ZNF318: variants seen among roughly 807,000 people sequenced by gnomAD.
ZNF318 encodes the protein endocrine regulator.
A neutral mutation model predicts 124.2 loss-of-function variants in ZNF318; 51 were observed. That is an observed-to-expected ratio of 0.41 (90% confidence interval 0.33 to 0.52). ZNF318 has a LOEUF of 0.52. Ranked by LOEUF, ZNF318 falls within the 20% of genes least tolerant of loss-of-function variation. The pLI, the probability that ZNF318 is intolerant of heterozygous loss-of-function variation, is 0.23. For synonymous variants in ZNF318, 1,090 were observed against 1,040.7 expected (o/e 1.05, Z -0.91); for missense variants, 2,815 against 2,811.2 (o/e 1.00, Z -0.03).
chr6:43,353,691 A>G (rs1221493963), intron 4 of ZNF318, among the ~76,000 whole-genome samples: 1 of 152,262 alleles, frequency 6.6e-6, no homozygotes, highest in Non-Finnish European at 1.5e-5. Context: ...AACTTTTATG[A>G]GCAAACCAAA....
At chr6:43,356,926 A>C (rs1267227419) in intron 3 of ZNF318, among the ~76,000 whole-genome samples, 200 bp downstream of exon 3, 1 of 152,190 alleles carries the variant, frequency 6.6e-6, no homozygotes, top group Non-Finnish European at 1.5e-5. Context: ...TATAAAGCCT[A>C]ATATACAGCA....
chr6:43,337,539 C>A lies in ZNF318; in HGVS notation c.6459G>T (p.Leu2153Phe). The part of the protein sequence containing the change: ...SQLDKQESLG[L>F]ELKTINSAGL... Reference sequence around the variant, plus strand: ...CTGCAGAATTAATTGTTTTTAATTCCAATCCGAGTGACTCTTGTTTGTCTA... The same window carrying A: ...CTGCAGAATTAATTGTTTTTAATTCAAATCCGAGTGACTCTTGTTTGTCTA... Residue 2153 changes from leucine to phenylalanine, a missense_variant, in exon 10 of 10, where the codon TTG becomes TTT. Transcript: ENST00000361428. The A allele has an allele frequency of 1.2e-6, 2 of 1,614,010 alleles. No individual in the cohort carries two copies. The highest frequency in any genetic ancestry group is 1.7e-6 in the Non-Finnish European group (2 of 1,179,986).
Position 43,342,885 on chromosome 6 carries a change from G to A in ZNF318, c.3073-6C>T. On this transcript the variant is annotated splice_region_variant and splice_polypyrimidine_tract_variant and intron_variant, in intron 6 of 9. Coordinates refer to ENST00000361428, the MANE Select transcript of ZNF318 (RefSeq NM_014345.3). ...TCATTGTTTACTTTTGATTCCTAGAGGGGAAAAATCTGTACTTACAAGGAA... is the reference window on the plus strand; with the variant it reads ...TCATTGTTTACTTTTGATTCCTAGAAGGGAAAAATCTGTACTTACAAGGAA... The A allele has an allele frequency of 1.2e-6, 2 of 1,605,294 alleles. No individual in the cohort carries two copies. Among genetic ancestry groups the A allele is most frequent in the Non-Finnish European group, 8.5e-7 (1 of 1,174,244 alleles).
At chr6:43,352,256 T>TCACCACCATCATCTTGGAG in intron 5 of ZNF318, 121 bp downstream of exon 5, 3 of 723,576 alleles carry the variant, frequency 4.1e-6, no homozygotes, top group Admixed American at 2.8e-5. Context: ...TTTGTAAGTT[T>TCACCACCATCATCTTGGAG]AATTACGTCA....
At chr6:43,354,094 T>TAC (rs958436181) in intron 4 of ZNF318, among the ~76,000 whole-genome samples, 5 of 151,740 alleles carry the variant, frequency 3.3e-5, no homozygotes, top group African/African-American at 1.2e-4. Context: ...TACGTATACA[T>TAC]ACACACACAT....
At chr6:43,363,738 G>C in intron 2 of ZNF318, 1 of 601,106 alleles carries the variant, frequency 1.7e-6, no homozygotes, top group Non-Finnish European at 2.9e-6. Context: ...AGGTGTTGAA[G>C]ATTATGCCAG....
At chr6:43,367,713 C>G (rs1779780677) in intron 1 of ZNF318, among the ~76,000 whole-genome samples, 1 of 152,244 alleles carries the variant, frequency 6.6e-6, no homozygotes, top group African/African-American at 2.4e-5. Flanking sequence ...GCATTCTGTT[C>G]TTCCTTCCTC....
In ZNF318 at chr6:43,337,682, T is replaced by C; in HGVS notation, c.6316A>G (p.Lys2106Glu). Residue 2106 changes from lysine (K) to glutamate (E), a missense_variant, in exon 10 of 10, where the codon AAA becomes GAA. Physicochemically the swap from Lys to Glu is moderately conservative, Grantham distance 56. Coordinates refer to ENST00000361428, the MANE Select transcript of ZNF318 (RefSeq NM_014345.3). ...TCAACATTTTCTGTAAGTCCAGTTT[T>C]CAAAATGTTAGGAGAAGGGATCCTA... ...SVRIPSPNIL[K>E]TGLTENVDRG... is the part of the protein sequence containing the mutation. 3.1e-6 allele frequency: 5 copies of C among 1,614,174 alleles called. No homozygotes were observed. Among genetic ancestry groups the C allele is most frequent in the African/African-American group, 1.3e-5 (1 of 75,050 alleles).
rs565674545 is a variant in ZNF318 at position 43,360,082 on chromosome 6, G to A, written c.549-2317C>T. ...GGGAGAAAAAACATAGGCTCCATGA[G>A]GAGTGGCAAGTTCATTCACACTCCC... On this transcript the variant is annotated intron_variant, in intron 2 of 9. Coordinates refer to ENST00000361428, the MANE Select transcript of ZNF318 (RefSeq NM_014345.3). Among the ~76,000 whole-genome samples the A allele has an allele frequency of 3.3e-5, 5 of 152,176 alleles. No homozygotes were observed. In the South Asian group the frequency reaches 8.3e-4, roughly 25 times the overall value.
intron 1 of ZNF318, 139 bp downstream of exon 1, chr6:43,368,828 G>A: frequency 1.6e-6 from 2 of 1,233,692 alleles, no homozygotes; most frequent in Non-Finnish European, 2.0e-6. Flanking sequence ...AAGCCTCCAG[G>A]CTCGGCATCC....
In ZNF318 at chr6:43,355,691, G is replaced by C; in HGVS notation, c.1643C>G (p.Ala548Gly). 1 of 1,614,182 alleles carries C rather than the reference G, an allele frequency of 6.2e-7. No individual in the cohort carries two copies. Among genetic ancestry groups the C allele is most frequent in the Non-Finnish European group, 8.5e-7 (1 of 1,180,022 alleles). The change falls in exon 4 of 10, where the codon GCA becomes GGA. Residue 548 changes from alanine to glycine, a missense_variant. Around this residue, in one of 4 missense-constraint regions of ZNF318, gnomAD observed 1,377 missense variants for 1,353.5 expected, o/e 1.02. Transcript: ENST00000361428. ...LYGDEEEDLK[A>G]ESVPKPLGSS... ...CCCAAGGGGCTTTGGTACGGATTCT[G>C]CCTTTAAATCCTCTTCTTCATCCCC... is the stretch of plus-strand genomic sequence containing the variant.
At chr6:43,367,206 C>T (rs1041203371) in intron 1 of ZNF318, among the ~76,000 whole-genome samples, 1 of 152,194 alleles carries the variant, frequency 6.6e-6, no homozygotes, top group Non-Finnish European at 1.5e-5. Flanking sequence ...CATACCATCG[C>T]ATTTCTAACT....
At chr6:43,352,814 GTTGT>G (rs1330696741) in intron 4 of ZNF318, among the ~76,000 whole-genome samples, 2 of 152,218 alleles carry the variant, frequency 1.3e-5, no homozygotes, top group Admixed American at 6.5e-5. Flanking sequence ...CATATTTCAT[GTTGT>G]TTATTTTCAC....
intron 2 of ZNF318, 130 bp from the exon 3 acceptor site, chr6:43,357,895 A>G (rs1779631682): frequency 2.2e-5 from 18 of 819,916 alleles, no homozygotes; most frequent in Non-Finnish European, 3.2e-5. Context: ...CATGAAGTCC[A>G]AGAACATTTC....
At position 43,339,587 on chromosome 6, in the gene ZNF318, C is replaced by T; in HGVS notation, c.4411G>A (p.Ala1471Thr). Residue 1471 changes from alanine (A) to threonine (T), a missense_variant, in exon 10 of 10, where the codon GCT becomes ACT. Ala to Thr is a moderately conservative substitution (Grantham distance 58). Coordinates refer to ENST00000361428, the MANE Select transcript of ZNF318 (RefSeq NM_014345.3). The surrounding 1 kb of genome is among the most constrained non-coding windows in gnomAD (Gnocchi z 4.2). ...PAAPSAAQAN[A>T]ILAPVKSNPV... ...TTTGATTTTACTGGAGCCAAGATAG[C>T]ATTTGCTTGAGCAGCAGACGGGGCA... The T allele has an allele frequency of 6.3e-7, 1 of 1,578,102 alleles. No homozygotes were observed. The highest frequency in any genetic ancestry group is 2.3e-5 in the East Asian group (1 of 42,954).
At chr6:43,367,093 G>A (rs1397604805) in intron 1 of ZNF318, among the ~76,000 whole-genome samples, 3 of 152,074 alleles carry the variant, frequency 2.0e-5, no homozygotes, top group African/African-American at 4.8e-5. Flanking sequence ...CTCGTGATCC[G>A]CCTGCCTCGG....
At chr6:43,361,269 G>T (rs553050415) in intron 2 of ZNF318, among the ~76,000 whole-genome samples, 1 of 152,336 alleles carries the variant, frequency 6.6e-6, no homozygotes, top group South Asian at 2.1e-4. Context: ...ATAAGGAGAA[G>T]AAATTAGGCG....
chr6:43,353,039 A>G (rs1779554301), intron 4 of ZNF318, among the ~76,000 whole-genome samples: 1 of 152,244 alleles, frequency 6.6e-6, no homozygotes. Flanking sequence ...ACCTAATGAA[A>G]AAAAGCAAAT....
chr6:43,350,568 T>A (rs1779510943), intron 5 of ZNF318, among the ~76,000 whole-genome samples: 1 of 152,092 alleles, frequency 6.6e-6, no homozygotes, highest in Non-Finnish European at 1.5e-5. Flanking sequence ...CCAGGCACAG[T>A]GGCTCATGCC....
Sources: allele counts gnomAD v4.1 joint callset (sites outside exome capture counted in the v4.1 genomes callset), GRCh38; gene constraint gnomAD v4.1.1; regional missense constraint gnomAD v4.1.1; non-coding constraint Gnocchi (gnomAD v3.1); transcripts MANE v1.5; gene names NCBI Gene and HGNC (gene_info 2026-07-23, HGNC 2026-07-21).